The following DOCK3 variants were observed in gnomAD, a reference collection of about 807,000 sequenced individuals.
DOCK3 encodes the protein dedicator of cytokinesis protein 3.
A neutral mutation model predicts 265.6 loss-of-function variants in DOCK3; 60 were observed. That is an observed-to-expected ratio of 0.23 (90% CI 0.18 to 0.28). The LOEUF (loss-of-function observed/expected upper bound fraction) is 0.28. Among genes scored for constraint, DOCK3 ranks in the 10% least tolerant of loss-of-function variants. DOCK3 has a pLI of 1.00. For missense variants in DOCK3, 1,981 were observed against 2,594.3 expected (o/e 0.76, Z 5.14); for synonymous variants, 881 against 938.0 (o/e 0.94, Z 1.11).
At chr3:51,208,021 G>C (rs775331322) in intron 12 of DOCK3, among the ~76,000 whole-genome samples, 1 of 152,186 alleles carries the variant, frequency 6.6e-6, no homozygotes. Context: ...CGTGGTTGCA[G>C]TTCTCCGGGA....
chr3:51,307,216 A>G (rs1178274270), intron 27 of DOCK3, among the ~76,000 whole-genome samples: 2 of 152,118 alleles, frequency 1.3e-5, no homozygotes, highest in Admixed American at 6.5e-5. Context: ...CCTGGACTCA[A>G]GAAATCCTCC....
At chr3:50,926,018 A>C (rs759346744) in intron 4 of DOCK3, among the ~76,000 whole-genome samples, 1 of 151,722 alleles carries the variant, frequency 6.6e-6, no homozygotes, top group Non-Finnish European at 1.5e-5. Context: ...TTTTTAGTAG[A>C]GATAGGGTTT....
chr3:50,825,444 A>ATT (rs2044703596), intron 2 of DOCK3, among the ~76,000 whole-genome samples: 1 of 152,152 alleles, frequency 6.6e-6, no homozygotes, highest in Admixed American at 6.5e-5. Flanking sequence ...GGATGAATAT[A>ATT]TTTTTAAGTG....
chr3:51,012,425 G>C (rs922047305), intron 5 of DOCK3, among the ~76,000 whole-genome samples: 10 of 152,208 alleles, frequency 6.6e-5, no homozygotes, highest in Non-Finnish European at 1.5e-4. Flanking sequence ...GTGAGGCTCT[G>C]TGGGTGTGGG....
chr3:51,252,137 G>A (rs1360406709), intron 22 of DOCK3, among the ~76,000 whole-genome samples: 3 of 152,074 alleles, frequency 2.0e-5, no homozygotes, highest in Non-Finnish European at 4.4e-5. Context: ...CCCATTTCTT[G>A]TTTTTGTCAG....
intron 9 of DOCK3, among the ~76,000 whole-genome samples, chr3:51,111,637 A>G (rs1362808166): frequency 6.6e-6 from 1 of 152,208 alleles, no homozygotes; most frequent in Non-Finnish European, 1.5e-5. Flanking sequence ...AGGCAATACC[A>G]TTGTGTACAT....
rs540118259 is a variant in DOCK3 at position 50,944,978 on chromosome 3, C to T, written c.315+10901C>T. On this transcript the variant is annotated intron_variant, in intron 5 of 52. Coordinates refer to ENST00000266037, the MANE Select transcript of DOCK3 (RefSeq NM_004947.5). Reference sequence around the variant, plus strand: ...TCCATCTCAAAAAAACAAAAACAAACACAAACTAACAAATAAAAACCCAAA... The same window carrying T: ...TCCATCTCAAAAAAACAAAAACAAATACAAACTAACAAATAAAAACCCAAA... Among the ~76,000 whole-genome samples, 3 of 152,230 alleles carry T rather than the reference C, an allele frequency of 2.0e-5. No individual in the cohort carries two copies. In the South Asian group the frequency reaches 6.2e-4, roughly 32 times the overall value.
chr3:50,865,551 G>A (rs1243469447), intron 3 of DOCK3, among the ~76,000 whole-genome samples: 2 of 152,152 alleles, frequency 1.3e-5, no homozygotes, highest in African/African-American at 4.8e-5. Context: ...CCATTTGTCT[G>A]TTGATAGATG....
chr3:51,299,039 G>A (rs938558189), intron 27 of DOCK3, among the ~76,000 whole-genome samples: 6 of 152,152 alleles, frequency 3.9e-5, no homozygotes, highest in African/African-American at 4.8e-5. Context: ...CCCACCAACC[G>A]TGTAAAAGCA....
intron 12 of DOCK3, among the ~76,000 whole-genome samples, chr3:51,164,712 C>A (rs1430057661): frequency 6.6e-6 from 1 of 151,660 alleles, no homozygotes; most frequent in Admixed American, 6.6e-5. Context: ...TGGCATACAC[C>A]TACTATGTAC....
At chr3:51,132,218 A>G (rs2084589723) in intron 9 of DOCK3, among the ~76,000 whole-genome samples, 1 of 152,218 alleles carries the variant, frequency 6.6e-6, no homozygotes, top group African/African-American at 2.4e-5. Flanking sequence ...CCAAATCAAT[A>G]AATTCAGCCT....
chr3:51,053,557 G>T (rs1338995291), intron 5 of DOCK3, among the ~76,000 whole-genome samples: 1 of 151,734 alleles, frequency 6.6e-6, no homozygotes, highest in Non-Finnish European at 1.5e-5. Flanking sequence ...GAGTAGCTGG[G>T]ACTACAGGCA....
intron 5 of DOCK3, among the ~76,000 whole-genome samples, chr3:50,976,882 C>G (rs2077470584): frequency 6.6e-6 from 1 of 150,872 alleles, no homozygotes; most frequent in African/African-American, 2.4e-5. Context: ...GAATTGATCC[C>G]TTTACCATTA....
chr3:50,809,069 A>G (rs1339189444), intron 2 of DOCK3, among the ~76,000 whole-genome samples: 4 of 152,222 alleles, frequency 2.6e-5, no homozygotes, highest in Non-Finnish European at 4.4e-5. Flanking sequence ...TAAAGATACA[A>G]AAAGCACTAA....
intron 4 of DOCK3, among the ~76,000 whole-genome samples, chr3:50,892,558 G>A (rs2048691582): frequency 6.6e-6 from 1 of 152,068 alleles, no homozygotes; most frequent in African/African-American, 2.4e-5. Flanking sequence ...AAGAAAAAGA[G>A]GACTGTACAT....
intron 9 of DOCK3, among the ~76,000 whole-genome samples, chr3:51,109,753 C>A: frequency 6.6e-6 from 1 of 151,804 alleles, no homozygotes; most frequent in East Asian, 1.9e-4. Flanking sequence ...GGCAACATGG[C>A]AAAACCCCAT....
At chr3:50,714,943 C>G (rs2037006041) in intron 1 of DOCK3, among the ~76,000 whole-genome samples, 1 of 152,236 alleles carries the variant, frequency 6.6e-6, no homozygotes, top group South Asian at 2.1e-4. Flanking sequence ...CCTTCCTTGA[C>G]CCCTAGACCA....
chr3:51,311,579 T>G (rs957599213), intron 28 of DOCK3, among the ~76,000 whole-genome samples: 3 of 152,206 alleles, frequency 2.0e-5, no homozygotes, highest in African/African-American at 7.2e-5. Flanking sequence ...AATAATAAAA[T>G]TATGTTCTAA....
intron 4 of DOCK3, among the ~76,000 whole-genome samples, chr3:50,922,755 CT>C (rs34981827): frequency 0.032 from 4,567 of 140,782 alleles, 63 homozygotes; most frequent in Middle Eastern, 0.038. Context: ...TATTTTTAGT[CT>C]TTTTTTTTTT....
Sources: gnomAD v4.1 joint callset for allele counts (sites outside exome capture counted in the v4.1 genomes callset) on GRCh38, gnomAD v4.1.1 for gene constraint, MANE v1.5 for transcripts, NCBI Gene and HGNC (gene_info 2026-07-23, HGNC 2026-07-21) for gene names.